PPM1L: variants seen among roughly 807,000 people sequenced by gnomAD.
The protein encoded by PPM1L is protein phosphatase, Mg2+/Mn2+ dependent 1L, also known as protein phosphatase 1L.
In PPM1L, 13 loss-of-function variants were observed where a neutral mutation model predicts 31.4. That is an observed-to-expected ratio of 0.41 (90% CI 0.27 to 0.66). The LOEUF (loss-of-function observed/expected upper bound fraction) is 0.66. Ranked by LOEUF, PPM1L falls within the 30% of genes least tolerant of loss-of-function variation. PPM1L has a pLI of 0.29. For missense variants in PPM1L, 326 were observed against 453.7 expected, an observed-to-expected ratio of 0.72 and a Z score of 2.56; for synonymous variants, 184 against 175.4, an observed-to-expected ratio of 1.05 and a Z score of -0.39.
chr3:160,803,979 G>T (rs1258954857), intron 1 of PPM1L, among the ~76,000 whole-genome samples: 1 of 152,124 alleles, frequency 6.6e-6, no homozygotes, highest in Non-Finnish European at 1.5e-5. Flanking sequence ...GTACAGTGGC[G>T]CAATCTCCGC....
intron 1 of PPM1L, among the ~76,000 whole-genome samples, chr3:160,851,561 T>C (rs182041131): frequency 5.5e-4 from 84 of 152,340 alleles, no homozygotes; most frequent in Admixed American, 2.0e-3. Flanking sequence ...AAACATTTCA[T>C]CTTTGAGAAG....
intron 1 of PPM1L, among the ~76,000 whole-genome samples, chr3:160,803,988 G>A (rs554263500): frequency 5.9e-5 from 9 of 152,238 alleles, no homozygotes; most frequent in African/African-American, 1.9e-4. Context: ...CGCAATCTCC[G>A]CTCACTGCAA....
At chr3:160,980,442 GTAGGACGGGGGA>G (rs908531382) in intron 2 of PPM1L, among the ~76,000 whole-genome samples, 1 of 151,870 alleles carries the variant, frequency 6.6e-6, no homozygotes, top group African/African-American at 2.4e-5. Context: ...TTTGGGAGGC[GTAGGACGGGGGA>G]TTGCTTGAGC....
At chr3:161,060,435 G>A (rs1262704063) in intron 2 of PPM1L, among the ~76,000 whole-genome samples, 1 of 152,158 alleles carries the variant, frequency 6.6e-6, no homozygotes, top group African/African-American at 2.4e-5. Flanking sequence ...TTTCTCACCT[G>A]GACTACTGAA....
chr3:160,778,045 G>T (rs906367348), intron 1 of PPM1L, among the ~76,000 whole-genome samples: 1 of 151,990 alleles, frequency 6.6e-6, no homozygotes, highest in Non-Finnish European at 1.5e-5. Flanking sequence ...TATAATATTT[G>T]GGGAGTAGCC....
chr3:160,813,051 A>G (rs1257938355), intron 1 of PPM1L, among the ~76,000 whole-genome samples: 1 of 152,120 alleles, frequency 6.6e-6, no homozygotes, highest in South Asian at 2.1e-4. Flanking sequence ...TCTAGCAGGT[A>G]TTATTTTTTT....
At chr3:160,762,484 T>C (rs1016729018) in intron 1 of PPM1L, among the ~76,000 whole-genome samples, 6 of 152,170 alleles carry the variant, frequency 3.9e-5, no homozygotes, top group Non-Finnish European at 5.9e-5. Flanking sequence ...AGTGTTATGT[T>C]CTATGTGATG....
chr3:160,790,209 C>A lies in PPM1L; in HGVS notation c.399+33502C>A, dbSNP rs188094988. ...TTGACATCTTTCTTAGTTACATGAA[C>A]TGTTATTAACTAATTTTGATGATAT... On this transcript the variant is annotated intron_variant, in intron 1 of 3. Transcript: ENST00000498165. Among the ~76,000 whole-genome samples the A allele has an allele frequency of 1.1e-3, 167 of 152,116 alleles. 1 individual carries two copies. The highest frequency in any genetic ancestry group is 3.8e-3 in the African/African-American group (158 of 41,528).
At chr3:160,786,477 C>G (rs1711937215) in intron 1 of PPM1L, among the ~76,000 whole-genome samples, 1 of 151,520 alleles carries the variant, frequency 6.6e-6, no homozygotes, top group East Asian at 1.9e-4. Context: ...CTCTGCCTCC[C>G]AAAGTGCTGG....
At position 160,757,512 on chromosome 3, in the gene PPM1L, T is replaced by C. The variant is rs146856756; in HGVS notation, c.399+805T>C. On this transcript the variant is annotated intron_variant, in intron 1 of 3. Coordinates refer to ENST00000498165, the MANE Select transcript of PPM1L (RefSeq NM_139245.4). ...AGGAGATAGCTAGAGGCCAGTTCAG[T>C]TCCCTCTCCCACATTTCTGTGGCAC... 5.3e-3 allele frequency among the ~76,000 whole-genome samples: 804 copies of C among 152,354 alleles called. 8 individuals are homozygous for C. Among genetic ancestry groups the C allele is most frequent in the African/African-American group, 0.018 (760 of 41,588 alleles).
intron 2 of PPM1L, among the ~76,000 whole-genome samples, chr3:160,968,073 C>A (rs542280038): frequency 2.6e-5 from 4 of 152,140 alleles, no homozygotes; most frequent in African/African-American, 9.6e-5. Context: ...CATCACTCAG[C>A]TTTCATAGCA....
chr3:160,803,285 A>T (rs931542607), intron 1 of PPM1L, among the ~76,000 whole-genome samples: 1 of 152,224 alleles, frequency 6.6e-6, no homozygotes, highest in Admixed American at 6.5e-5. Flanking sequence ...GACCATCCTT[A>T]TTCCAGCATC....
At chr3:160,973,419 T>C (rs972748675) in intron 2 of PPM1L, among the ~76,000 whole-genome samples, 2 of 152,266 alleles carry the variant, frequency 1.3e-5, no homozygotes, top group African/African-American at 4.8e-5. Flanking sequence ...TCGGTATCTC[T>C]TCCTTTCTGT....
chr3:160,813,849 T>G (rs1712887283), intron 1 of PPM1L, among the ~76,000 whole-genome samples: 1 of 152,192 alleles, frequency 6.6e-6, no homozygotes, highest in African/African-American at 2.4e-5. Flanking sequence ...GTTGGTACAT[T>G]TGATTCAATG....
At chr3:160,809,558 C>G (rs1029343281) in intron 1 of PPM1L, among the ~76,000 whole-genome samples, 15 of 152,204 alleles carry the variant, frequency 9.9e-5, no homozygotes, top group African/African-American at 3.6e-4. Context: ...GCTCTCCCCA[C>G]TCTCTACTTT....
chr3:160,881,976 G>A (rs577270366), intron 1 of PPM1L, among the ~76,000 whole-genome samples: 9 of 152,102 alleles, frequency 5.9e-5, no homozygotes, highest in African/African-American at 2.2e-4. Flanking sequence ...GTGTGAACTC[G>A]GGAAGCGGAG....
chr3:160,835,039 A>ACTACTTCTTCTTCTTCTTCTTCTT lies in PPM1L; in HGVS notation c.399+78334_399+78335insACTTCTTCTTCTTCTTCTTCTTCT, dbSNP rs760363593. Among the ~76,000 whole-genome samples the ACTACTTCTTCTTCTTCTTCTTCTT allele has an allele frequency of 2.1e-3, 282 of 131,806 alleles. 2 individuals carry two copies. Among genetic ancestry groups the ACTACTTCTTCTTCTTCTTCTTCTT allele is most frequent in the African/African-American group, 6.7e-3 (215 of 32,236 alleles). 86.5% of individuals were successfully genotyped at this position (131,806 alleles called of 152,430 possible). ...TACTACTACTACTATTACTACTACTACTTCTTCTTCTTCTTCTTCTTCTTC... is the reference window on the plus strand; with the variant it reads ...TACTACTACTACTATTACTACTACTACTACTTCTTCTTCTTCTTCTTCTTCTTCTTCTTCTTCTTCTTCTTCTTC... On this transcript the variant is annotated intron_variant, in intron 1 of 3. Transcript: ENST00000498165.
In PPM1L at chr3:161,036,976, A is replaced by G. The variant is rs1395357923; in HGVS notation, c.575-28427A>G. The stretch of plus-strand genomic sequence containing the variant: ...AAAAAGGTCTGTATTCAAAGCAAAA[A>G]TCCTTTAAAAAAATCTTTGATAATT... On this transcript the variant is annotated intron_variant, in intron 2 of 3. Coordinates refer to ENST00000498165, the MANE Select transcript of PPM1L (RefSeq NM_139245.4). Among the ~76,000 whole-genome samples the G allele has an allele frequency of 2.0e-5, 3 of 152,312 alleles. No individual in the cohort carries two copies. In the East Asian group the frequency reaches 5.8e-4, roughly 29 times the overall value.
chr3:160,896,585 C>T (rs1713343218), intron 1 of PPM1L, among the ~76,000 whole-genome samples: 1 of 152,108 alleles, frequency 6.6e-6, no homozygotes, highest in Non-Finnish European at 1.5e-5. Flanking sequence ...GTCTTCCTAC[C>T]CCTTTTAAAA....
Sources: allele counts gnomAD v4.1 joint callset (sites outside exome capture counted in the v4.1 genomes callset), GRCh38; gene constraint gnomAD v4.1.1; transcripts MANE v1.5; gene names NCBI Gene and HGNC (gene_info 2026-07-23, HGNC 2026-07-21).